GALE: variants seen among roughly 807,000 people sequenced by gnomAD.
GALE encodes the protein UDP-glucose 4-epimerase.
In GALE, 32 loss-of-function variants were observed where a neutral mutation model predicts 44.1. That is an observed-to-expected ratio of 0.73 (90% confidence interval 0.55 to 0.97). The LOEUF (loss-of-function observed/expected upper bound fraction) is 0.97, where lower values mean the gene tolerates loss of function less well. Among genes scored for constraint, GALE ranks in the 50% least tolerant of loss-of-function variants. The pLI is 0.00. For synonymous variants in GALE, 182 were observed against 183.5 expected, an observed-to-expected ratio of 0.99 and a Z score of 0.06; for missense variants, 423 against 455.6, an observed-to-expected ratio of 0.93 and a Z score of 0.65.
chr1:23,799,464 T>A (rs1045873703), intron 1 of GALE, 28 bp from the exon 2 acceptor site: 1 of 282,478 alleles, frequency 3.5e-6, no homozygotes, highest in African/African-American at 2.2e-5. Flanking sequence ...GGCAGCACGA[T>A]TGGGACTCCA....
rs141508491 is a variant in GALE, at chr1:23,799,135, C to A, written c.-5-123G>T. On this transcript the variant is annotated intron_variant, in intron 2 of 11. Coordinates refer to ENST00000617979, the MANE Select transcript of GALE (RefSeq NM_001008216.2). ...GCGGCAGTGTGCCCTAGGTACCAGACTGGCTCAGAAGTCAGCCCTGGGGCA... is the reference window on the plus strand; with the variant it reads ...GCGGCAGTGTGCCCTAGGTACCAGAATGGCTCAGAAGTCAGCCCTGGGGCA... 88 of 1,358,476 alleles carry A rather than the reference C, an allele frequency of 6.5e-5. No homozygotes were observed. The East Asian group carries it at 2.1e-3, about 33-fold the overall frequency. 84.2% of individuals were successfully genotyped at this position (1,358,476 alleles called of 1,614,324 possible).
rs764926185 is a variant in GALE at position 23,798,685 on chromosome 1, G to C, written c.167C>G (p.Thr56Arg). The C allele has an allele frequency of 1.2e-6, 2 of 1,613,422 alleles. No individual in the cohort carries two copies. Among genetic ancestry groups the C allele is most frequent in the Non-Finnish European group, 8.5e-7 (1 of 1,179,642 alleles). Residue 56 changes from threonine to arginine, a missense_variant, in exon 4 of 12, where the codon ACA (threonine) becomes AGA (arginine). By Grantham distance (71) the Thr-to-Arg change is moderately conservative. Transcript: ENST00000617979. This position sits in a 1 kb window ranked among gnomAD's most constrained non-coding sequence, Gnocchi z 4.5. ...PESLRRVQEL[T>R]GRSVEFEEMD... ...CTCCTCAAACTCCACAGAGCGGCCT[G>C]TCAGCTCCTGGACCCGCCGCAGGCT...
chr1:23,796,010 G>C lies in GALE; in HGVS notation c.989-3C>G. Reference sequence around the variant, plus strand: ...CTGCCAGCGCCAGAGATCCTCACCTGCAACACGGCGAGGTGTGTGCTCAGG... The same window carrying C: ...CTGCCAGCGCCAGAGATCCTCACCTCCAACACGGCGAGGTGTGTGCTCAGG... On this transcript the variant is annotated splice_polypyrimidine_tract_variant and splice_region_variant and intron_variant, in intron 11 of 11. Coordinates refer to ENST00000617979, the MANE Select transcript of GALE (RefSeq NM_001008216.2). The surrounding 1 kb of genome is among the most constrained non-coding windows in gnomAD (Gnocchi z 5.2). The C allele has an allele frequency of 6.2e-7, 1 of 1,613,796 alleles. No individual in the cohort carries two copies. The highest frequency in any genetic ancestry group is 2.2e-5 in the East Asian group (1 of 44,886).
intron 1 of GALE, chr1:23,800,410 GT>G: frequency 6.6e-6 from 1 of 152,624 alleles, no homozygotes; most frequent in Non-Finnish European, 1.5e-5. Flanking sequence ...CGCCCACTCG[GT>G]TTTCCCAGTC....
Position 23,799,598 on chromosome 1 carries a change from C to A in GALE, c.-76-162G>T, listed in dbSNP as rs1639066888. Reference sequence around the variant, plus strand: ...CTCCTGCTCTAGGCGGCCCCCACCCCCTTTCCCTCAAGGGTCAGCTGGGAG... The same window carrying A: ...CTCCTGCTCTAGGCGGCCCCCACCCACTTTCCCTCAAGGGTCAGCTGGGAG... On this transcript the variant is annotated intron_variant, in intron 1 of 11. Transcript: ENST00000617979. 2.4e-5 allele frequency: 4 copies of A among 167,474 alleles called. No individual in the cohort carries two copies. The South Asian group carries it at 5.5e-4, about 23-fold the overall frequency. The allele number at this position is 167,474 out of a possible 1,614,324, so 10.4% of individuals were successfully genotyped here.
Position 23,798,715 on chromosome 1 carries a change from G to A in GALE, c.137C>T (p.Pro46Leu). 1 of 1,614,006 alleles carries A rather than the reference G, an allele frequency of 6.2e-7. No homozygotes were observed. Among genetic ancestry groups the A allele is most frequent in the Non-Finnish European group, 8.5e-7 (1 of 1,179,904 alleles). The part of the protein sequence containing the change: ...HNAFRGGGSL[P>L]ESLRRVQELT... The stretch of plus-strand genomic sequence containing the variant: ...CTCCTGGACCCGCCGCAGGCTCTCA[G>A]GCAGGGAGCCCCCTCCTGGTAGGGT... Residue 46 changes from proline to leucine, a missense_variant, in exon 4 of 12, where the codon CCT (proline) becomes CTT (leucine). Pro to Leu is a moderately conservative substitution (Grantham distance 98, BLOSUM62 -3). Transcript: ENST00000617979. This position sits in a 1 kb window ranked among gnomAD's most constrained non-coding sequence, Gnocchi z 4.5.
intron 2 of GALE, 81 bp from the exon 3 acceptor site, chr1:23,799,093 G>A (rs973689473): frequency 6.3e-6 from 10 of 1,594,456 alleles, no homozygotes; most frequent in Non-Finnish European, 8.6e-6. Flanking sequence ...TGCCCCCTAA[G>A]CTCGCTTTGG....
In GALE at chr1:23,799,112, G is replaced by A. The variant is rs193014784; in HGVS notation, c.-5-100C>T. ...CCCTAAGCTCGCTTTGGAAGGAGGC[G>A]GCAGTGTGCCCTAGGTACCAGACTG... On this transcript the variant is annotated intron_variant, in intron 2 of 11. Coordinates refer to ENST00000617979, the MANE Select transcript of GALE (RefSeq NM_001008216.2). 4.1e-5 allele frequency: 62 copies of A among 1,513,522 alleles called. 1 individual carries two copies. The highest frequency in any genetic ancestry group is 4.0e-4 in the Admixed American group (22 of 54,912). The allele number at this position is 1,513,522 out of a possible 1,614,324, so 93.8% of individuals were successfully genotyped here.
rs1460572989 is a variant in GALE at position 23,798,057 on chromosome 1, C to A, written c.351+60G>T. The stretch of plus-strand genomic sequence containing the variant: ...TGGGCTCTGTGTTTGGCACTGCCTG[C>A]CAGGCTGGGGTCCAGCTGGACACCC... On this transcript the variant is annotated intron_variant, in intron 5 of 11. Coordinates refer to ENST00000617979, the MANE Select transcript of GALE (RefSeq NM_001008216.2). The surrounding 1 kb of genome is among the most constrained non-coding windows in gnomAD (Gnocchi z 4.5). The A allele has an allele frequency of 6.9e-7, 1 of 1,451,656 alleles. No individual in the cohort carries two copies. Among genetic ancestry groups the A allele is most frequent in the East Asian group, 2.3e-5 (1 of 44,154 alleles). 89.9% of individuals were successfully genotyped at this position (1,451,656 alleles called of 1,614,324 possible). A position where few individuals can be genotyped will look rare whatever the true frequency, so the allele number is the denominator to read the frequency against.
In GALE at chr1:23,797,697, T is replaced by C. The variant is rs377498771; in HGVS notation, c.526A>G (p.Lys176Glu). 3.7e-6 allele frequency: 6 copies of C among 1,613,946 alleles called. No individual in the cohort carries two copies. The highest frequency in any genetic ancestry group is 5.1e-6 in the Non-Finnish European group (6 of 1,179,920). ...GGCACTGTCAAGGGGGCCCTCACCT[T>C]GTCTGCCTGGCACAGGTCCCGGATC... ...EMIRDLCQAD[K>E]TWNAVLLRYF... Residue 176 changes from lysine (K) to glutamate (E), a missense_variant and splice_region_variant, in exon 6 of 12, where the codon AAG (lysine) becomes GAG (glutamate). By Grantham distance (56) the Lys-to-Glu change is moderately conservative (BLOSUM62 1). Transcript: ENST00000617979.
Position 23,797,812 on chromosome 1 carries a change from C to G in GALE, c.411G>C (p.Gly137=). The G allele has an allele frequency of 6.2e-7, 1 of 1,614,196 alleles. No homozygotes were observed. Among genetic ancestry groups the G allele is most frequent in the Non-Finnish European group, 8.5e-7 (1 of 1,180,026 alleles). The stretch of plus-strand genomic sequence containing the variant: ...CATCAAGGGGCAGGTACTGGGGGTT[C>G]CCGTACACAGTGGCTGAGCTGCTGA... ...LVFSSSATVY[G]NPQYLPLDEA... is the part of the protein sequence containing the mutation. The change falls in exon 6 of 12, where the codon GGG becomes GGC. Residue 137 remains glycine, a synonymous_variant. Coordinates refer to ENST00000617979, the MANE Select transcript of GALE (RefSeq NM_001008216.2).
Position 23,796,177 on chromosome 1 carries a change from G to A in GALE, c.962C>T (p.Thr321Ile). 1.2e-6 allele frequency: 2 copies of A among 1,614,030 alleles called. No homozygotes were observed. The highest frequency in any genetic ancestry group is 1.7e-6 in the Non-Finnish European group (2 of 1,179,928). Residue 321 changes from threonine to isoleucine, a missense_variant, in exon 11 of 12, where the codon ACA becomes ATA. Thr to Ile is a moderately conservative substitution (Grantham distance 89, BLOSUM62 -1). Coordinates refer to ENST00000617979, the MANE Select transcript of GALE (RefSeq NM_001008216.2). The surrounding 1 kb of genome is among the most constrained non-coding windows in gnomAD (Gnocchi z 5.2). ...PSLAQEELGWTAALGLDRMCE... is the reference protein window; with the variant it reads ...PSLAQEELGWIAALGLDRMCE... ...CATCCTGTCCAGCCCTAAGGCTGCT[G>A]TCCACCCCAGCTCCTCTTGGGCCAG...
chr1:23,796,672 C>T lies in GALE; in HGVS notation c.795+25G>A, dbSNP rs529471555. 1.2e-6 allele frequency: 2 copies of T among 1,613,862 alleles called. No individual in the cohort carries two copies. Among genetic ancestry groups the T allele is most frequent in the Non-Finnish European group, 1.7e-6 (2 of 1,179,884 alleles). ...CTGCCTGGATCTGGTCCCTCCCCTCCCTCACTTCTCCCTTCTCTTCCTACC... is the reference window on the plus strand; with the variant it reads ...CTGCCTGGATCTGGTCCCTCCCCTCTCTCACTTCTCCCTTCTCTTCCTACC... On this transcript the variant is annotated intron_variant, in intron 9 of 11. Coordinates refer to ENST00000617979, the MANE Select transcript of GALE (RefSeq NM_001008216.2). The surrounding 1 kb of genome is among the most constrained non-coding windows in gnomAD (Gnocchi z 5.2).
Position 23,796,860 on chromosome 1 carries a change from CT to C in GALE, c.709+15del, listed in dbSNP as rs1196635557. On this transcript the variant is annotated intron_variant, in intron 8 of 11. Transcript: ENST00000617979. This position sits in a 1 kb window ranked among gnomAD's most constrained non-coding sequence, Gnocchi z 5.2. Reference sequence around the variant, plus strand: ...TCCTGGCTCCCACTCCTAGGTCCCCCTGGTCCTAGGCTCACCTGTGCCATCC... The same window carrying C: ...TCCTGGCTCCCACTCCTAGGTCCCCCGGTCCTAGGCTCACCTGTGCCATCC... 6.2e-7 allele frequency: 1 copy of C among 1,612,492 alleles called. No homozygotes were observed. Among genetic ancestry groups the C allele is most frequent in the Non-Finnish European group, 8.5e-7 (1 of 1,179,212 alleles).
intron 2 of GALE, 50 bp downstream of exon 2, chr1:23,799,316 G>C (rs912013059): frequency 1.9e-5 from 8 of 431,358 alleles, no homozygotes; most frequent in Non-Finnish European, 3.5e-5. Flanking sequence ...CGCCACAGCA[G>C]AGCTGGGGAG....
In GALE at chr1:23,798,411, C is replaced by A; in HGVS notation, c.238-181G>T. 2.9e-6 allele frequency: 2 copies of A among 698,610 alleles called. No homozygotes were observed. Among genetic ancestry groups the A allele is most frequent in the Non-Finnish European group, 5.1e-6 (2 of 391,680 alleles). The allele number at this position is 698,610 out of a possible 1,614,324, so 43.3% of individuals were successfully genotyped here. On this transcript the variant is annotated intron_variant, in intron 4 of 11. Transcript: ENST00000617979. This position sits in a 1 kb window ranked among gnomAD's most constrained non-coding sequence, Gnocchi z 4.5. ...CCTCCACCTCCCAGGCTCAAGCCAT[C>A]CTCCCATGCCAGCCTCCCGAGTAGC... is the stretch of plus-strand genomic sequence containing the variant.
In GALE at chr1:23,797,772, C is replaced by G; in HGVS notation, c.451G>C (p.Gly151Arg). The part of the protein sequence containing the change: ...YLPLDEAHPT[G>R]GCTNPYGKSK... ...TTGCCGTAAGGGTTGGTACAACCAC[C>G]CGTGGGGTGGGCCTCATCAAGGGGC... Residue 151 changes from glycine (G) to arginine (R), a missense_variant, in exon 6 of 12, where the codon GGT (glycine) becomes CGT (arginine). Coordinates refer to ENST00000617979, the MANE Select transcript of GALE (RefSeq NM_001008216.2). The G allele has an allele frequency of 6.2e-7, 1 of 1,614,082 alleles. No individual in the cohort carries two copies. Among genetic ancestry groups the G allele is most frequent in the South Asian group, 1.1e-5 (1 of 91,082 alleles).
Position 23,798,714 on chromosome 1 carries a change from A to G in GALE, c.138T>C (p.Pro46=), listed in dbSNP as rs1639042195. The G allele has an allele frequency of 2.5e-6, 4 of 1,613,802 alleles. No homozygotes were observed. In the African/African-American group the frequency reaches 5.3e-5, roughly 22 times the overall value. The change falls in exon 4 of 12, where the codon CCT becomes CCC. Residue 46 remains proline, a synonymous_variant. Coordinates refer to ENST00000617979, the MANE Select transcript of GALE (RefSeq NM_001008216.2). This position sits in a 1 kb window ranked among gnomAD's most constrained non-coding sequence, Gnocchi z 4.5. The stretch of plus-strand genomic sequence containing the variant: ...GCTCCTGGACCCGCCGCAGGCTCTC[A>G]GGCAGGGAGCCCCCTCCTGGTAGGG... The part of the protein sequence containing the change: ...HNAFRGGGSL[P]ESLRRVQELT...
At chr1:23,797,225 C>G in intron 6 of GALE, 78 bp from the exon 7 acceptor site, 1 of 1,022,970 alleles carries the variant, frequency 9.8e-7, no homozygotes, top group Non-Finnish European at 1.5e-6. Context: ...CTCCTCATGC[C>G]TATTCTGTTT....
Sources: allele counts gnomAD v4.1 joint callset, GRCh38; gene constraint gnomAD v4.1.1; non-coding constraint Gnocchi (gnomAD v3.1); transcripts MANE v1.5; gene names NCBI Gene and HGNC (gene_info 2026-07-23, HGNC 2026-07-21).